Variants in NUP210L observed in about 807,000 individuals in gnomAD.
The protein encoded by NUP210L is nucleoporin 210 like, also known as nuclear pore membrane glycoprotein 210-like.
NUP210L carries 74 observed loss-of-function variants against 208.5 expected under a neutral mutation model. The ratio of observed to expected loss-of-function variants is 0.35; its 90% CI spans 0.29 to 0.43. NUP210L has a LOEUF of 0.43. Among genes scored for constraint, NUP210L ranks in the 20% least tolerant of loss-of-function variants. The pLI is 1.00. For missense variants in NUP210L, 1,843 were observed against 2,289.4 expected (o/e 0.81, Z 3.98); for synonymous variants, 780 against 816.9 (o/e 0.95, Z 0.77).
exon 1 of NUP210L, chr1:154,155,064 G>C (rs1256461487): frequency 6.4e-7 from 1 of 1,570,982 alleles, no homozygotes; most frequent in African/African-American, 1.4e-5. Context: ...CAGGTCTCGG[G>C]TTCCCGCTCA....
intron 13 of NUP210L, 30 bp downstream of exon 13, chr1:154,103,982 G>A (rs1656616283): frequency 1.3e-6 from 2 of 1,521,862 alleles, no homozygotes; most frequent in Middle Eastern, 1.8e-4. Context: ...TAAAGACAAA[G>A]GAAGGAGAAG....
intron 2 of NUP210L, among the ~76,000 whole-genome samples, chr1:154,146,551 G>A (rs1659117565): frequency 6.6e-6 from 1 of 151,476 alleles, no homozygotes; most frequent in South Asian, 2.1e-4. Flanking sequence ...AGAATCGCTT[G>A]AGCCTGGGTG....
chr1:154,016,091 C>CA (rs888939389), intron 33 of NUP210L, among the ~76,000 whole-genome samples: 4 of 151,218 alleles, frequency 2.6e-5, no homozygotes, highest in African/African-American at 7.3e-5. Context: ...CCTGTGTCTG[C>CA]AAAAAAATAA....
chr1:154,135,623 G>A (rs556606725), intron 7 of NUP210L, among the ~76,000 whole-genome samples, 191 bp downstream of exon 7: 24 of 151,922 alleles, frequency 1.6e-4, no homozygotes, highest in Non-Finnish European at 1.2e-4. Context: ...GGGTTTCACC[G>A]TGTTAGCCAG....
exon 10 of NUP210L, chr1:154,126,458 G>C (rs1657986614): frequency 1.2e-6 from 2 of 1,607,332 alleles, no homozygotes; most frequent in Non-Finnish European, 1.7e-6. Flanking sequence ...ATGTAATCCT[G>C]AGATTCTGAA....
chr1:154,051,217 A>AT (rs35375468), intron 25 of NUP210L, among the ~76,000 whole-genome samples: 17 of 150,520 alleles, frequency 1.1e-4, no homozygotes, highest in African/African-American at 2.2e-4. Context: ...CATTTTCACA[A>AT]TTTTTTTTTT....
intron 33 of NUP210L, 124 bp from the exon 34 acceptor site, chr1:154,012,494 A>G (rs1650982896): frequency 2.4e-6 from 2 of 847,474 alleles, no homozygotes; most frequent in Admixed American, 2.6e-5. Flanking sequence ...ATTCCATCTC[A>G]TGACCACATA....
At chr1:154,050,838 T>C (rs1192190003) in intron 25 of NUP210L, among the ~76,000 whole-genome samples, 1 of 152,210 alleles carries the variant, frequency 6.6e-6, no homozygotes, top group African/African-American at 2.4e-5. Flanking sequence ...CACAGTTGGG[T>C]CTAATAATGG....
In NUP210L at chr1:154,001,898, C is replaced by T; in HGVS notation, c.5018G>A (p.Trp1673Ter). Reference sequence around the variant, plus strand: ...GCTACGTTCACTGACCAGTGTAGCCCACCCATAGACTGAGGTGTCAGCCAC... The same window carrying T: ...GCTACGTTCACTGACCAGTGTAGCCTACCCATAGACTGAGGTGTCAGCCAC... Residue 1673 changes from tryptophan to a stop codon, truncating the protein, a stop_gained, in exon 36 of 40, where the codon TGG becomes TAG. Transcript: ENST00000368559. LOFTEE classifies it high-confidence loss of function. 1 of 1,614,080 alleles carries T rather than the reference C, an allele frequency of 6.2e-7. No individual in the cohort carries two copies. The highest frequency in any genetic ancestry group is 8.5e-7 in the Non-Finnish European group (1 of 1,180,010).
In NUP210L at chr1:154,120,666, T is replaced by G. The variant is rs1054778420; in HGVS notation, c.1327-1858A>C. ...AAAAAAAGAAATGCATTATCCAAGGTGGCCAGATCATGAGGTCAGGAGTTT... is the reference window on the plus strand; with the variant it reads ...AAAAAAAGAAATGCATTATCCAAGGGGGCCAGATCATGAGGTCAGGAGTTT... On this transcript the variant is annotated intron_variant, in intron 10 of 39. Transcript: ENST00000368559. Among the ~76,000 whole-genome samples the G allele has an allele frequency of 1.0e-4, 15 of 146,552 alleles. 1 individual carries two copies. Among genetic ancestry groups the G allele is most frequent in the Admixed American group, 8.9e-4 (13 of 14,652 alleles).
intron 25 of NUP210L, among the ~76,000 whole-genome samples, chr1:154,050,157 C>T (rs1218252765): frequency 1.3e-5 from 2 of 152,160 alleles, no homozygotes; most frequent in Admixed American, 6.5e-5. Context: ...ACTTAGGAAC[C>T]TTAGTAAGTG....
chr1:154,140,251 T>C (rs1040513683), intron 4 of NUP210L, among the ~76,000 whole-genome samples: 23 of 149,066 alleles, frequency 1.5e-4, no homozygotes, highest in African/African-American at 5.2e-4. Flanking sequence ...CTTGGGAAGC[T>C]GAGACAGGAG....
intron 16 of NUP210L, among the ~76,000 whole-genome samples, chr1:154,073,399 A>T (rs1240049180): frequency 6.6e-6 from 1 of 152,046 alleles, no homozygotes; most frequent in Non-Finnish European, 1.5e-5. Context: ...GATGGTGTGC[A>T]CCTGTAGTCG....
chr1:154,003,397 G>A (rs1183233402), intron 35 of NUP210L, among the ~76,000 whole-genome samples: 2 of 151,604 alleles, frequency 1.3e-5, no homozygotes, highest in East Asian at 1.9e-4. Flanking sequence ...TAGTAGAGAC[G>A]AGGTTTTACC....
chr1:154,032,993 G>GAAAAGAAAAGAAAAGA (rs769771404), intron 27 of NUP210L, among the ~76,000 whole-genome samples: 3 of 130,152 alleles, frequency 2.3e-5, no homozygotes, highest in African/African-American at 8.6e-5. Flanking sequence ...GAAAAGAAAA[G>GAAAAGAAAAGAAAAGA]AAAGAAAGAA....
At chr1:154,006,968 T>TATATA (rs1367159154) in intron 35 of NUP210L, among the ~76,000 whole-genome samples, 23 of 84,062 alleles carry the variant, frequency 2.7e-4, no homozygotes, top group South Asian at 1.6e-3. Context: ...ATATATATAT[T>TATATA]TTTTTTTTTT....
chr1:153,999,030 T>C (rs2147883678), intron 37 of NUP210L, among the ~76,000 whole-genome samples: 2 of 152,048 alleles, frequency 1.3e-5, no homozygotes, highest in East Asian at 3.9e-4. Flanking sequence ...TTTCCTCAGC[T>C]CTTGGGGAAA....
At chr1:154,044,744 A>G (rs1252330059) in intron 27 of NUP210L, among the ~76,000 whole-genome samples, 1 of 152,190 alleles carries the variant, frequency 6.6e-6, no homozygotes, top group African/African-American at 2.4e-5. Context: ...CCTACTGGGT[A>G]TCATGGCCCC....
chr1:154,127,508 A>G (rs991895349), intron 8 of NUP210L, 91 bp from the exon 9 acceptor site: 27 of 540,556 alleles, frequency 5.0e-5, no homozygotes, highest in Non-Finnish European at 9.6e-6. Context: ...AGCTGTTCAA[A>G]CAGCAAAATT....
Sources: gnomAD v4.1 joint callset for allele counts (sites outside exome capture counted in the v4.1 genomes callset) on GRCh38, gnomAD v4.1.1 for gene constraint, MANE v1.5 for transcripts, NCBI Gene and HGNC (gene_info 2026-07-23, HGNC 2026-07-21) for gene names.